The following SIAH3 variants were observed in gnomAD, a reference collection of about 807,000 sequenced individuals.
SIAH3 encodes siah E3 ubiquitin protein ligase family member 3, also known as seven in absentia homolog 3.
A neutral mutation model predicts 12.6 loss-of-function variants in SIAH3; 9 were observed. The ratio of observed to expected loss-of-function variants is 0.72; its 90% CI spans 0.43 to 1.25. The LOEUF is 1.25. Ranked by LOEUF, SIAH3 falls within the 50% of genes most tolerant of loss-of-function variation. The probability of loss-of-function intolerance (pLI) is 0.00; values close to 1 mark genes in which losing one functional copy is unlikely to be tolerated. For missense variants in SIAH3, 390 were observed against 365.4 expected, an observed-to-expected ratio of 1.07 and a Z score of -0.55; for synonymous variants, 154 against 151.1, an observed-to-expected ratio of 1.02 and a Z score of -0.14.
chr13:45,828,603 T>G (rs1199155851), intron 1 of SIAH3, among the ~76,000 whole-genome samples: 4 of 152,200 alleles, frequency 2.6e-5, no homozygotes, highest in African/African-American at 9.7e-5. Flanking sequence ...TTCCTCTCAA[T>G]CCAGGCTGAG....
intron 1 of SIAH3, among the ~76,000 whole-genome samples, chr13:45,822,520 A>T (rs1306754205): frequency 2.3e-5 from 2 of 85,420 alleles, no homozygotes; most frequent in Non-Finnish European, 4.5e-5. Flanking sequence ...TTCATTATCA[A>T]ATATATATAT....
At chr13:45,808,080 T>G (rs1003798377) in intron 1 of SIAH3, among the ~76,000 whole-genome samples, 5 of 151,986 alleles carry the variant, frequency 3.3e-5, no homozygotes, top group Admixed American at 1.3e-4. Context: ...TGTGCGGTGA[T>G]GTTGTGTTGG....
At chr13:45,820,348 G>A (rs1950651360) in intron 1 of SIAH3, among the ~76,000 whole-genome samples, 1 of 152,150 alleles carries the variant, frequency 6.6e-6, no homozygotes. Flanking sequence ...GGTGGGGACG[G>A]AGCCAGAGAT....
At chr13:45,801,099 G>GGGC (rs1555257358) in intron 1 of SIAH3, among the ~76,000 whole-genome samples, 2,628 of 126,000 alleles carry the variant, frequency 0.021, 93 homozygotes, top group African/African-American at 0.066. Context: ...GGGTGGCGGG[G>GGGC]GGGGGCATGG....
intron 1 of SIAH3, among the ~76,000 whole-genome samples, chr13:45,795,575 G>A (rs1950559738): frequency 6.6e-6 from 1 of 152,188 alleles, no homozygotes; most frequent in Non-Finnish European, 1.5e-5. Flanking sequence ...TTACTAGCCT[G>A]TCAGGGCTAG....
At chr13:45,844,527 C>G (rs779022700) in intron 1 of SIAH3, among the ~76,000 whole-genome samples, 1 of 152,144 alleles carries the variant, frequency 6.6e-6, no homozygotes, top group Non-Finnish European at 1.5e-5. Context: ...GGACTTGGAG[C>G]GAGACATGCT....
chr13:45,850,465 G>T (rs372827183), intron 1 of SIAH3, among the ~76,000 whole-genome samples: 5 of 152,152 alleles, frequency 3.3e-5, no homozygotes, highest in African/African-American at 1.2e-4. Context: ...ACTCAGTCCT[G>T]CCTGCCTTAC....
At chr13:45,835,770 G>C (rs1436643240) in intron 1 of SIAH3, among the ~76,000 whole-genome samples, 1 of 152,206 alleles carries the variant, frequency 6.6e-6, no homozygotes, top group Non-Finnish European at 1.5e-5. Context: ...ATAGGCTGGA[G>C]GGATCTGCGG....
intron 1 of SIAH3, among the ~76,000 whole-genome samples, chr13:45,801,486 C>T (rs755828716): frequency 1.4e-4 from 21 of 152,204 alleles, no homozygotes; most frequent in Admixed American, 3.3e-4. Flanking sequence ...GTAAGAAAGA[C>T]GGAAGGAGTT....
At chr13:45,838,889 T>C (rs933814628) in intron 1 of SIAH3, among the ~76,000 whole-genome samples, 2 of 151,992 alleles carry the variant, frequency 1.3e-5, no homozygotes, top group Non-Finnish European at 2.9e-5. Context: ...CATCCCGCTT[T>C]CCTTCCAGAA....
chr13:45,843,450 A>T (rs1284354907), intron 1 of SIAH3, among the ~76,000 whole-genome samples: 2 of 152,134 alleles, frequency 1.3e-5, no homozygotes. Flanking sequence ...GAAGTAATGC[A>T]TAAGTCATGA....
At chr13:45,807,794 T>A (rs1950603174) in intron 1 of SIAH3, among the ~76,000 whole-genome samples, 1 of 152,198 alleles carries the variant, frequency 6.6e-6, no homozygotes, top group Non-Finnish European at 1.5e-5. Flanking sequence ...ACATTGCATA[T>A]GCCCAGTAGT....
chr13:45,849,243 T>C (rs933187453), intron 1 of SIAH3, among the ~76,000 whole-genome samples: 4 of 152,158 alleles, frequency 2.6e-5, no homozygotes, highest in Non-Finnish European at 4.4e-5. Context: ...GGGGTGATGT[T>C]CCTCTGAGCA....
chr13:45,800,796 GC>G (rs1235995071), intron 1 of SIAH3, among the ~76,000 whole-genome samples: 1 of 152,222 alleles, frequency 6.6e-6, no homozygotes, highest in Non-Finnish European at 1.5e-5. Context: ...TAGAGATTGT[GC>G]TTGGGTCACC....
chr13:45,825,284 G>A (rs1950670006), intron 1 of SIAH3, among the ~76,000 whole-genome samples: 1 of 152,192 alleles, frequency 6.6e-6, no homozygotes, highest in Non-Finnish European at 1.5e-5. Context: ...TAAGAGCCAA[G>A]CTCCTAGCCA....
chr13:45,816,306 C>G (rs1950634282), intron 1 of SIAH3, among the ~76,000 whole-genome samples: 1 of 152,140 alleles, frequency 6.6e-6, no homozygotes, highest in African/African-American at 2.4e-5. Flanking sequence ...CCCTTGAGGC[C>G]CTGTTTCTGC....
intron 1 of SIAH3, among the ~76,000 whole-genome samples, chr13:45,803,211 T>C (rs1347472758): frequency 6.6e-6 from 1 of 152,208 alleles, no homozygotes; most frequent in Non-Finnish European, 1.5e-5. Context: ...ACACAGCAAG[T>C]GATCAGGTAG....
rs1566084623 is a variant in SIAH3, at chr13:45,781,025, G to A, written c.*2358C>T. 1 of 152,580 alleles carries A rather than the reference G, an allele frequency of 6.6e-6. No homozygotes were observed. Among genetic ancestry groups the A allele is most frequent in the African/African-American group, 2.4e-5 (1 of 41,452 alleles). The allele number at this position is 152,580 out of a possible 1,614,324, so 9.5% of individuals were successfully genotyped here. The stretch of plus-strand genomic sequence containing the variant: ...CTTTTGGGGAGCACCATAGATGGAA[G>A]ATAATAATACATTTCCCATGCTTTG... On this transcript the variant is annotated 3_prime_UTR_variant, in exon 2 of 2. Coordinates refer to ENST00000400405, the MANE Select transcript of SIAH3 (RefSeq NM_198849.3).
chr13:45,834,705 A>G (rs1458734595), intron 1 of SIAH3, among the ~76,000 whole-genome samples: 1 of 152,144 alleles, frequency 6.6e-6, no homozygotes, highest in African/African-American at 2.4e-5. Flanking sequence ...ACTGTGGGCC[A>G]GAAGAGGGGT....
Sources: gnomAD v4.1 joint callset for allele counts (sites outside exome capture counted in the v4.1 genomes callset) on GRCh38, gnomAD v4.1.1 for gene constraint, MANE v1.5 for transcripts, NCBI Gene and HGNC (gene_info 2026-07-23, HGNC 2026-07-21) for gene names.